The following GLI2 variants were observed in gnomAD, a reference collection of about 807,000 sequenced individuals.
The protein encoded by GLI2 is transcription activator GLI2.
In GLI2, 22 loss-of-function variants were observed where a neutral mutation model predicts 78.9. The ratio of observed to expected loss-of-function variants is 0.28; its 90% CI spans 0.20 to 0.40. The LOEUF (loss-of-function observed/expected upper bound fraction) is 0.40, where lower values mean the gene tolerates loss of function less well. Ranked by LOEUF, GLI2 falls within the 10% of genes least tolerant of loss-of-function variation. The pLI is 1.00. For missense variants in GLI2, 2,097 were observed against 2,213.2 expected, an observed-to-expected ratio of 0.95 and a Z score of 1.05; for synonymous variants, 974 against 963.7, an observed-to-expected ratio of 1.01 and a Z score of -0.20.
At chr2:120,910,658 G>A (rs988685638) in intron 2 of GLI2, among the ~76,000 whole-genome samples, 8 of 152,172 alleles carry the variant, frequency 5.3e-5, no homozygotes, top group African/African-American at 1.9e-4. Flanking sequence ...GCCAAGCCAC[G>A]GGCAGAAGAG....
At chr2:120,814,624 G>A (rs1173246437) in intron 2 of GLI2, among the ~76,000 whole-genome samples, 1 of 152,160 alleles carries the variant, frequency 6.6e-6, no homozygotes, top group South Asian at 2.1e-4. Context: ...CACCTGAGCC[G>A]CACCTTCTGT....
At chr2:120,988,174 T>C (rs761776815) in intron 13 of GLI2, 34 bp from the exon 14 acceptor site, 6 of 1,565,282 alleles carry the variant, frequency 3.8e-6, no homozygotes, top group Non-Finnish European at 5.2e-6. Context: ...CCACCCACCC[T>C]TGTCCCGGTG....
intron 3 of GLI2, among the ~76,000 whole-genome samples, chr2:120,945,957 T>TCTCACACACACACACA (rs1553470434): frequency 2.3e-4 from 31 of 134,258 alleles, no homozygotes; most frequent in Admixed American, 7.6e-4. Context: ...CATAACCTTC[T>TCTCACACACACACACA]CACACACACA....
At chr2:120,906,926 C>T (rs1573576822) in intron 2 of GLI2, among the ~76,000 whole-genome samples, 2 of 152,268 alleles carry the variant, frequency 1.3e-5, no homozygotes, top group African/African-American at 4.8e-5. Flanking sequence ...CTGGTAGAGG[C>T]CCTCCATCTG....
At chr2:120,815,605 G>A (rs545522840) in intron 2 of GLI2, among the ~76,000 whole-genome samples, 48 of 152,308 alleles carry the variant, frequency 3.2e-4, no homozygotes, top group South Asian at 1.9e-3. Flanking sequence ...CTGTGCCTGC[G>A]CACCTCTGAC....
intron 1 of GLI2, among the ~76,000 whole-genome samples, chr2:120,786,058 G>A (rs190691837): frequency 2.0e-5 from 3 of 152,286 alleles, no homozygotes; most frequent in African/African-American, 7.2e-5. Flanking sequence ...TCTGGGCTTG[G>A]GGTGGCTCCT....
chr2:120,951,986 G>A (rs903995404), intron 4 of GLI2, among the ~76,000 whole-genome samples: 7 of 152,204 alleles, frequency 4.6e-5, no homozygotes, highest in Admixed American at 1.3e-4. Flanking sequence ...TGGCCACCCC[G>A]GTGTGACTAA....
intron 8 of GLI2, 85 bp from the exon 9 acceptor site, chr2:120,974,890 A>G: frequency 1.2e-6 from 2 of 1,607,574 alleles, no homozygotes; most frequent in Non-Finnish European, 1.7e-6. Context: ...TCCTTGGCAC[A>G]GAATGCATGG....
intron 1 of GLI2, among the ~76,000 whole-genome samples, chr2:120,750,555 C>T (rs758607129): frequency 3.3e-5 from 5 of 152,284 alleles, no homozygotes; most frequent in East Asian, 3.9e-4. Context: ...AATTACCTGG[C>T]GCATAGTAAG....
chr2:120,767,835 A>G (rs1417875720), intron 1 of GLI2, among the ~76,000 whole-genome samples: 1 of 152,238 alleles, frequency 6.6e-6, no homozygotes, highest in Non-Finnish European at 1.5e-5. Context: ...TCATCTGGAA[A>G]AGCAGACTTC....
intron 2 of GLI2, among the ~76,000 whole-genome samples, chr2:120,849,482 G>A (rs1050952572): frequency 7.9e-5 from 12 of 152,212 alleles, no homozygotes; most frequent in African/African-American, 2.9e-4. Context: ...TGATGATGGC[G>A]GCAATTGTGT....
chr2:120,972,085 C>T, intron 8 of GLI2, 22 bp downstream of exon 8: 1 of 1,612,236 alleles, frequency 6.2e-7, no homozygotes. Flanking sequence ...CCAGCCGCAC[C>T]ACCTTCCTCC....
intron 2 of GLI2, among the ~76,000 whole-genome samples, chr2:120,894,421 C>T (rs1199273270): frequency 1.3e-5 from 2 of 152,158 alleles, no homozygotes; most frequent in Admixed American, 1.3e-4. Flanking sequence ...GGGACTTTAG[C>T]CTTGAGTATA....
At chr2:120,844,085 C>T (rs548119418) in intron 2 of GLI2, among the ~76,000 whole-genome samples, 1 of 152,170 alleles carries the variant, frequency 6.6e-6, no homozygotes, top group Non-Finnish European at 1.5e-5. Flanking sequence ...CCAAAGAACC[C>T]TGAGTAGCTC....
At chr2:120,893,089 T>TTG (rs1458889288) in intron 2 of GLI2, among the ~76,000 whole-genome samples, 1 of 152,248 alleles carries the variant, frequency 6.6e-6, no homozygotes, top group Non-Finnish European at 1.5e-5. Flanking sequence ...TATGAGTTAT[T>TTG]TGACTAAGGC....
chr2:120,841,790 C>A (rs1458765419), intron 2 of GLI2, among the ~76,000 whole-genome samples: 1 of 150,638 alleles, frequency 6.6e-6, no homozygotes, highest in Non-Finnish European at 1.5e-5. Context: ...AATGCGTGGG[C>A]CAGTTGGGGT....
At chr2:120,944,932 T>C (rs1680635408) in intron 3 of GLI2, among the ~76,000 whole-genome samples, 2 of 152,238 alleles carry the variant, frequency 1.3e-5, no homozygotes, top group Non-Finnish European at 2.9e-5. Context: ...CAGTGACACC[T>C]CAGTTTACTT....
intron 1 of GLI2, among the ~76,000 whole-genome samples, chr2:120,741,321 T>C (rs1199499135): frequency 6.6e-6 from 1 of 152,068 alleles, no homozygotes; most frequent in Non-Finnish European, 1.5e-5. Context: ...GTGGTGCACC[T>C]CTATTGTACA....
At chr2:120,739,186 C>T (rs1180842400) in intron 1 of GLI2, among the ~76,000 whole-genome samples, 1 of 152,168 alleles carries the variant, frequency 6.6e-6, no homozygotes, top group Non-Finnish European at 1.5e-5. Flanking sequence ...AGTGCAGCCC[C>T]TGGGGCTGGA....
Sources: allele counts gnomAD v4.1 joint callset (sites outside exome capture counted in the v4.1 genomes callset), GRCh38; gene constraint gnomAD v4.1.1; transcripts MANE v1.5; gene names NCBI Gene and HGNC (gene_info 2026-07-23, HGNC 2026-07-21).